ATG16L1: variants seen among roughly 807,000 people sequenced by gnomAD.
ATG16L1 encodes autophagy-related protein 16-1.
A neutral mutation model predicts 88.5 loss-of-function variants in ATG16L1; 37 were observed. The ratio of observed to expected loss-of-function variants is 0.42; its 90% CI spans 0.32 to 0.55. The LOEUF (loss-of-function observed/expected upper bound fraction) is 0.55. Ranked by LOEUF, ATG16L1 falls within the 20% of genes least tolerant of loss-of-function variation. ATG16L1 has a pLI of 0.13. For missense variants in ATG16L1, 554 were observed against 752.8 expected (o/e 0.74, Z 3.09); for synonymous variants, 301 against 281.0 (o/e 1.07, Z -0.71).
chr2:233,292,334 C>T lies in ATG16L1; in HGVS notation c.1581-53C>T, dbSNP rs560496688. On this transcript the variant is annotated intron_variant, in intron 15 of 17. Transcript: ENST00000392017. Reference sequence around the variant, plus strand: ...CAGAGGCCCAGCCCTGCTCTCTTAACGTGCTGCGTGGCCTGAGCTCCCTCA... The same window carrying T: ...CAGAGGCCCAGCCCTGCTCTCTTAATGTGCTGCGTGGCCTGAGCTCCCTCA... 629 of 1,613,942 alleles carry T rather than the reference C, an allele frequency of 3.9e-4. 3 individuals are homozygous for T. Among genetic ancestry groups the T allele is most frequent in the African/African-American group, 3.8e-3 (283 of 74,920 alleles).
chr2:233,272,898 C>G, intron 6 of ATG16L1, 68 bp from the exon 7 acceptor site: 5 of 1,349,708 alleles, frequency 3.7e-6, no homozygotes, highest in Non-Finnish European at 5.3e-6. Context: ...ATGACATTAG[C>G]ATTTGCGGAA....
chr2:233,284,284 A>AT (rs2125278892), intron 12 of ATG16L1, among the ~76,000 whole-genome samples: 1 of 151,852 alleles, frequency 6.6e-6, no homozygotes, highest in Admixed American at 6.6e-5. Context: ...AGCAGCTGGG[A>AT]TTACATGCAT....
intron 6 of ATG16L1, among the ~76,000 whole-genome samples, chr2:233,270,373 G>A (rs1373620632): frequency 6.6e-6 from 1 of 152,156 alleles, no homozygotes; most frequent in Admixed American, 6.5e-5. Flanking sequence ...CACAAATCAT[G>A]TACTGATACG....
rs1281864177 is a variant in ATG16L1 at position 233,281,281 on chromosome 2, A to G, written c.1131+106A>G. On this transcript the variant is annotated intron_variant, in intron 11 of 17. Coordinates refer to ENST00000392017, the MANE Select transcript of ATG16L1 (RefSeq NM_030803.7). ...ACCCGATTTCTCTGCCATTCTCTGTATCTTAAGCCAAATCCATGTTAAAGA... is the reference window on the plus strand; with the variant it reads ...ACCCGATTTCTCTGCCATTCTCTGTGTCTTAAGCCAAATCCATGTTAAAGA... The G allele has an allele frequency of 7.3e-6, 6 of 826,926 alleles. No homozygotes were observed. In the South Asian group the frequency reaches 9.6e-5, roughly 13 times the overall value. 51.2% of individuals were successfully genotyped at this position (826,926 alleles called of 1,614,324 possible).
chr2:233,288,660 T>A (rs772301678), intron 12 of ATG16L1: 6 of 447,514 alleles, frequency 1.3e-5, no homozygotes, highest in African/African-American at 6.0e-5. Flanking sequence ...AAAATGTTGA[T>A]CATGCACTGC....
chr2:233,268,563 A>G (rs992421882), intron 5 of ATG16L1, among the ~76,000 whole-genome samples: 7 of 152,206 alleles, frequency 4.6e-5, no homozygotes, highest in African/African-American at 1.4e-4. Flanking sequence ...TCCACCTTGC[A>G]GAACTGGGAC....
chr2:233,256,825 C>A (rs894311405), intron 2 of ATG16L1, among the ~76,000 whole-genome samples: 1 of 151,938 alleles, frequency 6.6e-6, no homozygotes, highest in Non-Finnish European at 1.5e-5. Context: ...CCTCAGCCTC[C>A]CAAATAGCTG....
chr2:233,264,437 A>G (rs1435970962), intron 4 of ATG16L1, among the ~76,000 whole-genome samples: 1 of 152,142 alleles, frequency 6.6e-6, no homozygotes, highest in Non-Finnish European at 1.5e-5. Context: ...TTGTGAGCAA[A>G]ACTGTTGCTG....
At chr2:233,258,019 ATCTATAT>A (rs780498227) in intron 2 of ATG16L1, among the ~76,000 whole-genome samples, 55,815 of 137,894 alleles carry the variant, frequency 0.4, 12,080 homozygotes, top group South Asian at 0.51. Context: ...AAAAAAAAAT[ATCTATAT>A]ATCTATATAT....
intron 12 of ATG16L1, among the ~76,000 whole-genome samples, chr2:233,286,043 C>T (rs1167106297): frequency 1.3e-5 from 2 of 152,154 alleles, no homozygotes; most frequent in Non-Finnish European, 2.9e-5. Context: ...TGCTTGAGAA[C>T]CCCCCTGCCC....
chr2:233,293,128 C>G (rs1699575226), intron 16 of ATG16L1, 128 bp from the exon 17 acceptor site: 14 of 799,268 alleles, frequency 1.8e-5, no homozygotes, highest in Non-Finnish European at 1.5e-5. Context: ...AGCACACATT[C>G]TGAGGTCTGG....
chr2:233,263,647 AC>A lies in ATG16L1; in HGVS notation c.316-344del, dbSNP rs1225781311. Among the ~76,000 whole-genome samples the A allele has an allele frequency of 2.6e-5, 4 of 152,336 alleles. No individual in the cohort carries two copies. The East Asian group carries it at 7.7e-4, about 29-fold the overall frequency. ...CTGTGTTCGCCTGGATGGTGGTCTT[AC>A]GGCAAAGCTCCAGTTGGGAAAATAC... On this transcript the variant is annotated intron_variant, in intron 3 of 17. Transcript: ENST00000392017.
intron 12 of ATG16L1, among the ~76,000 whole-genome samples, chr2:233,284,218 G>A (rs1200872544): frequency 6.6e-6 from 1 of 150,992 alleles, no homozygotes; most frequent in African/African-American, 2.4e-5. Flanking sequence ...ACGTGATCTC[G>A]GCTCACTGCA....
rs551385758 is a variant in ATG16L1, at chr2:233,292,118, T to G, written c.1431-10T>G. The G allele has an allele frequency of 5.7e-5, 92 of 1,614,006 alleles. No homozygotes were observed. The South Asian group carries it at 7.5e-4, about 13-fold the overall frequency. The stretch of plus-strand genomic sequence containing the variant: ...TACGTTACATTTCTCAGATCTGTTC[T>G]CCCTCTTAGATCAGAGAGCATAGTT... On this transcript the variant is annotated splice_polypyrimidine_tract_variant and intron_variant, in intron 14 of 17. Coordinates refer to ENST00000392017, the MANE Select transcript of ATG16L1 (RefSeq NM_030803.7).
Position 233,270,020 on chromosome 2 carries a change from G to A in ATG16L1, c.660G>A (p.Leu220=), listed in dbSNP as rs1460966559. The A allele has an allele frequency of 1.3e-6, 2 of 1,578,548 alleles. No homozygotes were observed. Among genetic ancestry groups the A allele is most frequent in the African/African-American group, 1.4e-5 (1 of 72,266 alleles). ...EKDSRRRQAR[L]QKELAEAAKE... ...CCAACAGGAGGCGGCAAGCCCGGCT[G>A]CAGAAAGAGCTTGCAGAAGCAGCAA... Residue 220 remains leucine (L), a synonymous_variant, in exon 6 of 18, where the codon CTG becomes CTA. Coordinates refer to ENST00000392017, the MANE Select transcript of ATG16L1 (RefSeq NM_030803.7).
intron 12 of ATG16L1, among the ~76,000 whole-genome samples, chr2:233,289,291 A>C (rs1413726098): frequency 6.6e-6 from 1 of 151,924 alleles, no homozygotes; most frequent in African/African-American, 2.4e-5. Flanking sequence ...ACCTTTGGCC[A>C]ACACTCAAAG....
At chr2:233,253,667 G>A (rs1380538917) in intron 1 of ATG16L1, among the ~76,000 whole-genome samples, 1 of 152,066 alleles carries the variant, frequency 6.6e-6, no homozygotes, top group Admixed American at 6.5e-5. Flanking sequence ...TTGAACTTAG[G>A]CTTGATGACT....
At chr2:233,255,603 C>T (rs1047957662) in intron 1 of ATG16L1, among the ~76,000 whole-genome samples, 3 of 152,176 alleles carry the variant, frequency 2.0e-5, no homozygotes, top group African/African-American at 7.2e-5. Context: ...TACCAAAAGA[C>T]TCTGTTATTC....
At chr2:233,253,455 C>G (rs1171344577) in intron 1 of ATG16L1, among the ~76,000 whole-genome samples, 3 of 149,726 alleles carry the variant, frequency 2.0e-5, no homozygotes, top group Non-Finnish European at 4.4e-5. Context: ...AAGAGATCCT[C>G]CTGCCTCAGC....
Sources: gnomAD v4.1 joint callset for allele counts (sites outside exome capture counted in the v4.1 genomes callset) on GRCh38, gnomAD v4.1.1 for gene constraint, MANE v1.5 for transcripts, NCBI Gene and HGNC (gene_info 2026-07-23, HGNC 2026-07-21) for gene names.